Variants in GALNTL6 observed in about 807,000 individuals in gnomAD.
GALNTL6 encodes polypeptide N-acetylgalactosaminyltransferase like 6, also known as polypeptide N-acetylgalactosaminyltransferase-like 6.
GALNTL6 carries 46 observed loss-of-function variants against 73.7 expected under a neutral mutation model. The ratio of observed to expected loss-of-function variants is 0.62; its 90% confidence interval spans 0.49 to 0.80. GALNTL6 has a LOEUF of 0.80. Among genes scored for constraint, GALNTL6 ranks in the 30% least tolerant of loss-of-function variants. The pLI is 0.00. For missense variants in GALNTL6, 604 were observed against 755.0 expected, an observed-to-expected ratio of 0.80 and a Z score of 2.34; for synonymous variants, 259 against 263.7, an observed-to-expected ratio of 0.98 and a Z score of 0.17.
In GALNTL6 at chr4:172,001,787, C is replaced by T. The variant is rs570516317; in HGVS notation, c.138+187069C>T. On this transcript the variant is annotated intron_variant, in intron 2 of 12. Transcript: ENST00000506823. ...CAGGTAGATTCTTTCTCCCATGGAT[C>T]ATTTCTGGATCACAGGAAACGTACA... Among the ~76,000 whole-genome samples, 4 of 152,276 alleles carry T rather than the reference C, an allele frequency of 2.6e-5. No homozygotes were observed. In the South Asian group the frequency reaches 8.3e-4, roughly 32 times the overall value.
intron 2 of GALNTL6, among the ~76,000 whole-genome samples, chr4:172,067,130 A>G (rs1415608496): frequency 6.6e-6 from 1 of 151,662 alleles, no homozygotes; most frequent in Non-Finnish European, 1.5e-5. Flanking sequence ...TTCCTCTCCC[A>G]CTTGATCAAC....
chr4:172,121,916 C>T (rs1234116874), intron 2 of GALNTL6, among the ~76,000 whole-genome samples: 4 of 150,226 alleles, frequency 2.7e-5, no homozygotes, highest in Non-Finnish European at 5.9e-5. Flanking sequence ...TTAAAGGAAA[C>T]CAATTAAATA....
chr4:172,305,212 A>G (rs142651576), intron 3 of GALNTL6, among the ~76,000 whole-genome samples: 80 of 152,288 alleles, frequency 5.3e-4, no homozygotes, highest in African/African-American at 1.7e-3. Flanking sequence ...TCATTTAGCC[A>G]GGGGGAAAAA....
chr4:172,156,507 C>A (rs1246235393), intron 2 of GALNTL6, among the ~76,000 whole-genome samples: 2 of 134,626 alleles, frequency 1.5e-5, no homozygotes, highest in South Asian at 2.2e-4. Context: ...TCCACCTAGG[C>A]AGATATTTGA....
At chr4:172,933,341 G>A (rs1379382835) in intron 9 of GALNTL6, among the ~76,000 whole-genome samples, 2 of 151,980 alleles carry the variant, frequency 1.3e-5, no homozygotes, top group African/African-American at 4.8e-5. Flanking sequence ...GGGGAATGCT[G>A]TGCTGATCCA....
rs186383776 is a variant in GALNTL6, at chr4:172,482,426, C to T, written c.553+133737C>T. Among the ~76,000 whole-genome samples, 249 of 152,336 alleles carry T rather than the reference C, an allele frequency of 1.6e-3. 1 individual carries two copies. The highest frequency in any genetic ancestry group is 5.7e-3 in the African/African-American group (237 of 41,588). ...GGGCCACCAGCACGTTGTCACTTCT[C>T]ATCAAGTTAGGGCCAGATTCAAGGA... On this transcript the variant is annotated intron_variant, in intron 5 of 12. Coordinates refer to ENST00000506823, the MANE Select transcript of GALNTL6 (RefSeq NM_001034845.3).
chr4:172,790,330 A>C (rs1739922884), intron 5 of GALNTL6, among the ~76,000 whole-genome samples: 1 of 152,168 alleles, frequency 6.6e-6, no homozygotes, highest in Non-Finnish European at 1.5e-5. Flanking sequence ...TTGGGGCATT[A>C]AGAATGTAAC....
intron 3 of GALNTL6, among the ~76,000 whole-genome samples, chr4:172,233,194 C>A (rs1482453628): frequency 7.1e-6 from 1 of 141,050 alleles, no homozygotes; most frequent in African/African-American, 2.7e-5. Flanking sequence ...CATAGCGAGA[C>A]CTCATCTCTC....
intron 5 of GALNTL6, among the ~76,000 whole-genome samples, chr4:172,371,427 A>G (rs1018993835): frequency 5.3e-5 from 8 of 152,256 alleles, no homozygotes; most frequent in Non-Finnish European, 1.0e-4. Flanking sequence ...GTAGTGTTAC[A>G]GGGTCATGGA....
At chr4:172,235,834 C>A (rs1737223476) in intron 3 of GALNTL6, among the ~76,000 whole-genome samples, 3 of 152,068 alleles carry the variant, frequency 2.0e-5, no homozygotes, top group African/African-American at 7.2e-5. Flanking sequence ...CTATTCCCAT[C>A]TTTTTGTCCA....
chr4:172,083,247 G>A (rs1032855228), intron 2 of GALNTL6, among the ~76,000 whole-genome samples: 1 of 152,136 alleles, frequency 6.6e-6, no homozygotes, highest in African/African-American at 2.4e-5. Context: ...TCCCTAAGTT[G>A]TATTTCTAAT....
chr4:172,932,244 C>T (rs1198502618), intron 9 of GALNTL6, among the ~76,000 whole-genome samples: 5 of 152,058 alleles, frequency 3.3e-5, no homozygotes, highest in Admixed American at 6.6e-5. Context: ...TGTTAGTTAC[C>T]GCTGTACTCT....
intron 5 of GALNTL6, among the ~76,000 whole-genome samples, chr4:172,478,192 A>G (rs2111476158): frequency 6.6e-6 from 1 of 152,362 alleles, no homozygotes; most frequent in Middle Eastern, 3.4e-3. Context: ...GGGACCAAAC[A>G]AGAGCCCAAA....
rs192415801 is a variant in GALNTL6 at position 172,564,915 on chromosome 4, A to G, written c.553+216226A>G. Among the ~76,000 whole-genome samples the G allele has an allele frequency of 2.0e-5, 3 of 152,348 alleles. No individual in the cohort carries two copies. In the East Asian group the frequency reaches 5.8e-4, roughly 29 times the overall value. ...AAGGCAATTGCATTAACTAATGTTAAATGGGTGTCTTAGTCCATTCAAACT... is the reference window on the plus strand; with the variant it reads ...AAGGCAATTGCATTAACTAATGTTAGATGGGTGTCTTAGTCCATTCAAACT... On this transcript the variant is annotated intron_variant, in intron 5 of 12. Coordinates refer to ENST00000506823, the MANE Select transcript of GALNTL6 (RefSeq NM_001034845.3).
intron 3 of GALNTL6, among the ~76,000 whole-genome samples, chr4:172,241,103 A>C (rs1402757263): frequency 6.6e-6 from 1 of 152,148 alleles, no homozygotes; most frequent in Non-Finnish European, 1.5e-5. Context: ...ACAGGGTGTA[A>C]GTTAGCAAAA....
chr4:171,871,628 T>C (rs1463551389), intron 2 of GALNTL6, among the ~76,000 whole-genome samples: 3 of 152,138 alleles, frequency 2.0e-5, no homozygotes, highest in Non-Finnish European at 4.4e-5. Context: ...GTATAATGAA[T>C]GTAAGAAAGC....
chr4:173,017,082 C>G (rs1752813329), intron 11 of GALNTL6, among the ~76,000 whole-genome samples: 1 of 152,120 alleles, frequency 6.6e-6, no homozygotes. Context: ...TATCTTCTAC[C>G]ATGATTGTAA....
chr4:172,782,591 C>T (rs1219815524), intron 5 of GALNTL6, among the ~76,000 whole-genome samples: 1 of 152,090 alleles, frequency 6.6e-6, no homozygotes, highest in Non-Finnish European at 1.5e-5. Flanking sequence ...TTGAATCTAT[C>T]TCCCCCAACC....
intron 2 of GALNTL6, among the ~76,000 whole-genome samples, chr4:172,054,933 G>A (rs1407979142): frequency 2.0e-5 from 3 of 152,120 alleles, no homozygotes; most frequent in Non-Finnish European, 4.4e-5. Context: ...AAGTTGAAGA[G>A]TATATGTAAC....
Sources: gnomAD v4.1 joint callset for allele counts (sites outside exome capture counted in the v4.1 genomes callset) on GRCh38, gnomAD v4.1.1 for gene constraint, MANE v1.5 for transcripts, NCBI Gene and HGNC (gene_info 2026-07-23, HGNC 2026-07-21) for gene names.